CUX1: variants seen among roughly 807,000 people sequenced by gnomAD.
CUX1 encodes the protein cut like homeobox 1, also known as protein CASP.
A neutral mutation model predicts 158.8 loss-of-function variants in CUX1; 31 were observed. The ratio of observed to expected loss-of-function variants is 0.20; its 90% CI spans 0.15 to 0.26. The LOEUF is 0.26. Among genes scored for constraint, CUX1 ranks in the 10% least tolerant of loss-of-function variants. The pLI, the probability that CUX1 is intolerant of heterozygous loss-of-function variation, is 1.00. For synonymous variants in CUX1, 879 were observed against 862.1 expected (o/e 1.02, Z -0.34); for missense variants, 1,589 against 2,014.6 (o/e 0.79, Z 4.04).
intron 1 of CUX1, among the ~76,000 whole-genome samples, chr7:101,838,294 T>C (rs1467956818): frequency 6.6e-6 from 1 of 151,548 alleles, no homozygotes; most frequent in Non-Finnish European, 1.5e-5. Flanking sequence ...CATGCCCGGC[T>C]AATTTTTATA....
At chr7:102,018,166 G>C (rs1182688507) in intron 2 of CUX1, among the ~76,000 whole-genome samples, 1 of 152,070 alleles carries the variant, frequency 6.6e-6, no homozygotes, top group Non-Finnish European at 1.5e-5. Flanking sequence ...TCCCTATCTT[G>C]CCTAGACTGG....
chr7:101,849,017 C>T (rs367687845), intron 1 of CUX1, among the ~76,000 whole-genome samples: 8 of 151,786 alleles, frequency 5.3e-5, no homozygotes, highest in Admixed American at 3.3e-4. Flanking sequence ...TTTTCTTGGC[C>T]GAGATCTTGA....
At chr7:102,040,641 G>A (rs1055614927) in intron 3 of CUX1, among the ~76,000 whole-genome samples, 5 of 152,222 alleles carry the variant, frequency 3.3e-5, no homozygotes, top group South Asian at 2.1e-4. Flanking sequence ...AAGTGACTAC[G>A]AGTCTGCTGC....
intron 1 of CUX1, among the ~76,000 whole-genome samples, chr7:101,851,388 G>C (rs1323455410): frequency 1.3e-5 from 2 of 151,882 alleles, no homozygotes; most frequent in Non-Finnish European, 2.9e-5. Context: ...TCATCTCGGG[G>C]GCTTCCTCCC....
intron 22 of CUX1, among the ~76,000 whole-genome samples, chr7:102,234,980 C>G (rs1799394953): frequency 6.6e-6 from 1 of 152,114 alleles, no homozygotes; most frequent in Non-Finnish European, 1.5e-5. Flanking sequence ...GGTTCGGTGC[C>G]TCCACCAAGG....
rs1554542273 is a variant in CUX1 at position 102,257,021 on chromosome 7, G to C, written c.*7979G>C. The C allele has an allele frequency of 1.0e-6, 1 of 985,302 alleles. No homozygotes were observed. Among genetic ancestry groups the C allele is most frequent in the African/African-American group, 1.7e-5 (1 of 57,228 alleles). The allele number at this position is 985,302 out of a possible 1,614,324, so 61.0% of individuals were successfully genotyped here. On this transcript the variant is annotated 3_prime_UTR_variant, in exon 24 of 24. Transcript: ENST00000292535. Reference sequence around the variant, plus strand: ...AGGTGGTTCAACGTGGAGGAAGGTTGGGTGTGGAGATTGCTTGCTGTGGCC... The same window carrying C: ...AGGTGGTTCAACGTGGAGGAAGGTTCGGTGTGGAGATTGCTTGCTGTGGCC...
At chr7:102,245,516 C>CT (rs1800714271) in intron 23 of CUX1, among the ~76,000 whole-genome samples, 1 of 152,190 alleles carries the variant, frequency 6.6e-6, no homozygotes, top group Non-Finnish European at 1.5e-5. Context: ...AGCCTTAGGG[C>CT]TTATCACAGC....
At chr7:102,138,662 C>T (rs1356562486) in intron 8 of CUX1, among the ~76,000 whole-genome samples, 1 of 152,038 alleles carries the variant, frequency 6.6e-6, no homozygotes, top group Non-Finnish European at 1.5e-5. Context: ...ACAATGAGAC[C>T]CGATCTTTTA....
rs141744731 is a variant in CUX1 at position 101,879,440 on chromosome 7, T to C, written c.31-36675T>C. 3.1e-3 allele frequency among the ~76,000 whole-genome samples: 468 copies of C among 152,382 alleles called. 2 individuals carry two copies. Among genetic ancestry groups the C allele is most frequent in the Admixed American group, 5.4e-3 (82 of 15,306 alleles). On this transcript the variant is annotated intron_variant, in intron 1 of 23. Coordinates refer to ENST00000292535, the MANE Select transcript of CUX1 (RefSeq NM_181552.4). ...TCTAGTTTCTAGCTCTTTAAAATAA[T>C]GCAACTTTTCGCTTTATTGTTCTAA...
chr7:102,225,290 G>A (rs1330480514), intron 20 of CUX1, among the ~76,000 whole-genome samples: 2 of 152,186 alleles, frequency 1.3e-5, no homozygotes, highest in Non-Finnish European at 2.9e-5. Flanking sequence ...GACGATAAAC[G>A]GGTTGATCGC....
intron 3 of CUX1, among the ~76,000 whole-genome samples, chr7:102,042,053 A>AGTGT (rs35975675): frequency 6.7e-4 from 101 of 150,860 alleles, no homozygotes; most frequent in Admixed American, 2.4e-3. Context: ...TGAGTGTGTG[A>AGTGT]GTGTGTGTGT....
chr7:102,018,808 A>G (rs1043331928), intron 2 of CUX1, among the ~76,000 whole-genome samples: 1 of 152,214 alleles, frequency 6.6e-6, no homozygotes, highest in Non-Finnish European at 1.5e-5. Flanking sequence ...GGAGTCTGCA[A>G]AGCACAGGAA....
intron 2 of CUX1, among the ~76,000 whole-genome samples, chr7:102,011,388 G>A (rs1020846392): frequency 6.6e-6 from 1 of 151,792 alleles, no homozygotes; most frequent in African/African-American, 2.4e-5. Context: ...CTTCAGTTTT[G>A]CTATTCTCAT....
chr7:102,001,421 G>T (rs1254816150), intron 2 of CUX1, among the ~76,000 whole-genome samples: 1 of 152,164 alleles, frequency 6.6e-6, no homozygotes, highest in Non-Finnish European at 1.5e-5. Flanking sequence ...TCAGCTCACT[G>T]CATCCTCCGC....
intron 2 of CUX1, among the ~76,000 whole-genome samples, chr7:102,016,369 G>A (rs555740982): frequency 3.3e-5 from 5 of 152,364 alleles, no homozygotes; most frequent in African/African-American, 1.2e-4. Flanking sequence ...CAGAGGCCCA[G>A]GAGGCACAGC....
At chr7:102,223,948 A>G (rs1308231828) in intron 20 of CUX1, among the ~76,000 whole-genome samples, 2 of 152,188 alleles carry the variant, frequency 1.3e-5, no homozygotes, top group African/African-American at 4.8e-5. Flanking sequence ...TGGGCAACAG[A>G]GGGAGACTCT....
rs955333355 is a variant in CUX1, at chr7:102,249,434, C to T, written c.*392C>T. 2.0e-6 allele frequency: 2 copies of T among 986,702 alleles called. No homozygotes were observed. Among genetic ancestry groups the T allele is most frequent in the Middle Eastern group, 5.2e-4 (1 of 1,916 alleles). 61.1% of individuals were successfully genotyped at this position (986,702 alleles called of 1,614,324 possible). A position where few individuals can be genotyped will look rare whatever the true frequency, so the allele number is the denominator to read the frequency against. ...TTAAGCCCAATCTATGTCGTGTTTT[C>T]AAGGAAGAAAACGGAAATGTGTGGT... On this transcript the variant is annotated 3_prime_UTR_variant, in exon 24 of 24. Coordinates refer to ENST00000292535, the MANE Select transcript of CUX1 (RefSeq NM_181552.4).
In CUX1 at chr7:102,253,315, C is replaced by T; in HGVS notation, c.*4273C>T. ...TTGGCCAGGGCCAGCATCAGGCGTG[C>T]AGCTCATGACCAGTTTACACAGGCT... is the stretch of plus-strand genomic sequence containing the variant. On this transcript the variant is annotated 3_prime_UTR_variant, in exon 24 of 24. Transcript: ENST00000292535. 1 of 985,556 alleles carries T rather than the reference C, an allele frequency of 1.0e-6. No homozygotes were observed. Among genetic ancestry groups the T allele is most frequent in the African/African-American group, 1.7e-5 (1 of 57,376 alleles). 61.1% of individuals were successfully genotyped at this position (985,556 alleles called of 1,614,324 possible).
At chr7:101,817,260 CG>C (rs1241595117), upstream of CUX1, 1 of 984,682 alleles carries the variant, frequency 1.0e-6, no homozygotes, top group African/African-American at 1.8e-5. This position sits in a 1 kb window ranked among gnomAD's most constrained non-coding sequence, Gnocchi z 4.1. Context: ...CTGGGGGCTC[CG>C]GCGGCCCCCG....
Sources: gnomAD v4.1 joint callset for allele counts (sites outside exome capture counted in the v4.1 genomes callset) on GRCh38, gnomAD v4.1.1 for gene constraint, Gnocchi (gnomAD v3.1) non-coding constraint, MANE v1.5 for transcripts, NCBI Gene and HGNC (gene_info 2026-07-23, HGNC 2026-07-21) for gene names.